The following TBC1D5 variants were observed in gnomAD, a reference collection of about 807,000 sequenced individuals.
TBC1D5 encodes TBC1 domain family, member 5.
TBC1D5 carries 75 observed loss-of-function variants against 100.3 expected under a neutral mutation model. The observed-to-expected ratio is 0.75, with a 90% CI of 0.62 to 0.91. The LOEUF (loss-of-function observed/expected upper bound fraction) is 0.91. Among genes scored for constraint, TBC1D5 ranks in the 40% least tolerant of loss-of-function variants. TBC1D5 has a pLI of 0.00. For missense variants in TBC1D5, 910 were observed against 942.4 expected (o/e 0.97, Z 0.45); for synonymous variants, 323 against 325.6 (o/e 0.99, Z 0.09).
intron 1 of TBC1D5, among the ~76,000 whole-genome samples, chr3:17,733,133 C>A (rs890916969): frequency 3.3e-5 from 5 of 152,148 alleles, no homozygotes; most frequent in African/African-American, 1.2e-4. Context: ...GAGAGAGAAT[C>A]ATGAAGCAGA....
At chr3:17,684,215 T>C (rs2069928630) in intron 1 of TBC1D5, among the ~76,000 whole-genome samples, 1 of 152,064 alleles carries the variant, frequency 6.6e-6, no homozygotes, top group African/African-American at 2.4e-5. Context: ...GACACACACA[T>C]TTCTAAATCC....
chr3:17,634,491 C>A (rs2063740926), intron 1 of TBC1D5, among the ~76,000 whole-genome samples: 1 of 152,038 alleles, frequency 6.6e-6, no homozygotes, highest in South Asian at 2.1e-4. Context: ...ACAAATATCA[C>A]ATGTTCTCAC....
intron 1 of TBC1D5, among the ~76,000 whole-genome samples, chr3:17,690,247 C>T (rs1328408085): frequency 4.7e-5 from 1 of 21,202 alleles, no homozygotes; most frequent in Non-Finnish European, 8.4e-5. Flanking sequence ...GACGGAGTCT[C>T]GCTCTGTCGC....
chr3:17,475,123 A>T (rs1239170030), intron 3 of TBC1D5, among the ~76,000 whole-genome samples: 8 of 151,780 alleles, frequency 5.3e-5, no homozygotes, highest in Admixed American at 1.3e-4. Context: ...AAGATATCAA[A>T]CTCTCATTTA....
At chr3:17,519,361 C>T (rs2096034985) in intron 2 of TBC1D5, among the ~76,000 whole-genome samples, 1 of 152,208 alleles carries the variant, frequency 6.6e-6, no homozygotes, top group African/African-American at 2.4e-5. Flanking sequence ...AAATTACACA[C>T]CTCAGCACTT....
chr3:17,549,911 C>CA (rs1396805607), intron 2 of TBC1D5, among the ~76,000 whole-genome samples: 1 of 151,400 alleles, frequency 6.6e-6, no homozygotes, highest in Non-Finnish European at 1.5e-5. Context: ...ACCTGGGCAA[C>CA]ACAATGAGAC....
intron 4 of TBC1D5, among the ~76,000 whole-genome samples, chr3:17,425,990 T>A (rs1264914607): frequency 1.3e-5 from 2 of 151,878 alleles, no homozygotes; most frequent in African/African-American, 4.8e-5. Flanking sequence ...AAAGTAAATC[T>A]TAACCCTAGA....
intron 1 of TBC1D5, among the ~76,000 whole-genome samples, chr3:17,737,191 T>C (rs1301346714): frequency 5.9e-5 from 9 of 151,434 alleles, no homozygotes. Flanking sequence ...ATCTTCCCCA[T>C]GGTGCTTATG....
intron 1 of TBC1D5, among the ~76,000 whole-genome samples, chr3:17,733,494 G>A (rs528255402): frequency 6.6e-6 from 1 of 152,146 alleles, no homozygotes; most frequent in Non-Finnish European, 1.5e-5. Context: ...AATCACTTGG[G>A]GGGGGTGGAG....
chr3:17,183,416 T>C (rs561292564), intron 19 of TBC1D5, among the ~76,000 whole-genome samples: 41 of 152,230 alleles, frequency 2.7e-4, no homozygotes, highest in Non-Finnish European at 5.0e-4. Flanking sequence ...CTGCAAGTGG[T>C]AAGCGACCGA....
chr3:17,495,274 C>T (rs185022884), intron 3 of TBC1D5, among the ~76,000 whole-genome samples: 1 of 152,358 alleles, frequency 6.6e-6, no homozygotes, highest in East Asian at 1.9e-4. Context: ...ATTAAACTTC[C>T]TCCTGCTTCC....
chr3:17,348,709 C>T (rs763185749), intron 13 of TBC1D5, among the ~76,000 whole-genome samples: 4 of 152,160 alleles, frequency 2.6e-5, no homozygotes, highest in Admixed American at 6.5e-5. Flanking sequence ...CTTTATTAGC[C>T]GTTGTGGAGT....
intron 2 of TBC1D5, among the ~76,000 whole-genome samples, chr3:17,531,554 T>C (rs2096225998): frequency 6.6e-6 from 1 of 152,192 alleles, no homozygotes; most frequent in Non-Finnish European, 1.5e-5. Flanking sequence ...AGAACGAAGC[T>C]GGAGGCATCA....
At chr3:17,334,150 G>A (rs2087307928) in intron 13 of TBC1D5, among the ~76,000 whole-genome samples, 1 of 151,946 alleles carries the variant, frequency 6.6e-6, no homozygotes, top group African/African-American at 2.4e-5. Flanking sequence ...GAGGTGGTGT[G>A]GTCGCTGGAA....
intron 14 of TBC1D5, among the ~76,000 whole-genome samples, chr3:17,298,496 G>A (rs536529838): frequency 1.3e-5 from 2 of 152,178 alleles, no homozygotes; most frequent in African/African-American, 4.8e-5. Context: ...GTGAGGTGTC[G>A]GCCAACAATA....
At chr3:17,359,196 T>C (rs763080634) in intron 13 of TBC1D5, among the ~76,000 whole-genome samples, 36 of 152,222 alleles carry the variant, frequency 2.4e-4, no homozygotes, top group Non-Finnish European at 4.0e-4. Flanking sequence ...TAGAAAGCTT[T>C]TCTTAGGGTT....
intron 19 of TBC1D5, among the ~76,000 whole-genome samples, chr3:17,177,093 T>A (rs758559229): frequency 2.4e-4 from 36 of 152,150 alleles, no homozygotes; most frequent in Non-Finnish European, 4.8e-4. Context: ...CCAAAGATGA[T>A]GGACTTGGTA....
At chr3:17,444,062 T>G (rs1008589271) in intron 3 of TBC1D5, among the ~76,000 whole-genome samples, 3 of 152,092 alleles carry the variant, frequency 2.0e-5, no homozygotes, top group Non-Finnish European at 2.9e-5. Context: ...AAAGAATAAA[T>G]GTAAAAATTA....
intron 14 of TBC1D5, among the ~76,000 whole-genome samples, chr3:17,306,424 CAAAATT>C (rs1402550144): frequency 2.0e-5 from 3 of 152,098 alleles, no homozygotes; most frequent in Non-Finnish European, 4.4e-5. Context: ...ACTTAAATAA[CAAAATT>C]AAAATAAGTT....
Sources: gnomAD v4.1 joint callset for allele counts (sites outside exome capture counted in the v4.1 genomes callset) on GRCh38, gnomAD v4.1.1 for gene constraint, MANE v1.5 for transcripts, NCBI Gene and HGNC (gene_info 2026-07-23, HGNC 2026-07-21) for gene names.